The following SHCBP1L variants were observed in gnomAD, a reference collection of about 807,000 sequenced individuals.
SHCBP1L encodes the protein SHC binding and spindle associated 1 like.
A neutral mutation model predicts 62.5 loss-of-function variants in SHCBP1L; 67 were observed. The observed-to-expected ratio is 1.07, with a 90% CI of 0.88 to 1.31. The LOEUF (loss-of-function observed/expected upper bound fraction) is 1.31. Among genes scored for constraint, SHCBP1L ranks in the 40% most tolerant of loss-of-function variants. The pLI, the probability that SHCBP1L is intolerant of heterozygous loss-of-function variation, is 0.00. For missense variants in SHCBP1L, 823 were observed against 809.8 expected, an observed-to-expected ratio of 1.02 and a Z score of -0.20; for synonymous variants, 284 against 289.4, an observed-to-expected ratio of 0.98 and a Z score of 0.19.
chr1:182,949,114 C>T (rs888725439), intron 2 of SHCBP1L, among the ~76,000 whole-genome samples: 9 of 151,570 alleles, frequency 5.9e-5, no homozygotes, highest in African/African-American at 2.2e-4. Context: ...CACTGAGTTT[C>T]CATGGAACTT....
At chr1:182,946,445 C>T (rs1438209454) in intron 2 of SHCBP1L, among the ~76,000 whole-genome samples, 1 of 150,594 alleles carries the variant, frequency 6.6e-6, no homozygotes, top group Non-Finnish European at 1.5e-5. Flanking sequence ...AAAAATATTT[C>T]AAATCTCATT....
At position 182,952,937 on chromosome 1, in the gene SHCBP1L, G is replaced by T. The variant is rs758437714; in HGVS notation, c.197C>A (p.Ala66Asp). 2.6e-6 allele frequency: 4 copies of T among 1,553,024 alleles called. No individual in the cohort carries two copies. The highest frequency in any genetic ancestry group is 3.5e-6 in the Non-Finnish European group (4 of 1,150,920). ...PVKGKAGRET[A>D]RLRLQRLPAA... ...GGGCAGGCGCTGGAGCCGCAGCCTG[G>T]CCGTCTCCCGGCCCGCTTTCCCCTT... Residue 66 changes from alanine (A) to aspartate (D), a missense_variant, in exon 1 of 10, where the codon GCC (alanine) becomes GAC (aspartate). Coordinates refer to ENST00000367547, the MANE Select transcript of SHCBP1L (RefSeq NM_030933.4).
intron 5 of SHCBP1L, among the ~76,000 whole-genome samples, chr1:182,938,144 G>A (rs1372405585): frequency 6.6e-6 from 1 of 152,092 alleles, no homozygotes; most frequent in African/African-American, 2.4e-5. Context: ...TTTCGCTCTT[G>A]TTGCCCAGGC....
intron 2 of SHCBP1L, among the ~76,000 whole-genome samples, chr1:182,941,253 C>CAAAAAAAAAAAA (rs368017905): frequency 1.7e-5 from 1 of 57,480 alleles, no homozygotes; most frequent in Non-Finnish European, 4.0e-5. Context: ...ACTCAAACAC[C>CAAAAAAAAAAAA]AAAAAAAAAA....
intron 5 of SHCBP1L, among the ~76,000 whole-genome samples, chr1:182,933,985 A>T (rs1651090022): frequency 1.3e-5 from 2 of 152,046 alleles, no homozygotes; most frequent in Non-Finnish European, 2.9e-5. Context: ...GTAGTTTTTC[A>T]TTTGCTAATT....
At chr1:182,918,068 C>A (rs13373923) in intron 6 of SHCBP1L, among the ~76,000 whole-genome samples, 21,278 of 148,636 alleles carry the variant, frequency 0.14, 2,091 homozygotes, top group African/African-American at 0.29. Context: ...CTCTCTCTCT[C>A]TATATATATA....
chr1:182,951,408 G>T lies in SHCBP1L; in HGVS notation c.465C>A (p.Asp155Glu). ...KYLSEKLKLK[D>E]KWLGVWKTNP... ...TAGTCTTCCAGACTCCAAGCCATTT[G>T]TCTTTCAACTTTAATTTTTCTGATA... The change falls in exon 2 of 10, where the codon GAC becomes GAA. Residue 155 changes from aspartate to glutamate, a missense_variant. Coordinates refer to ENST00000367547, the MANE Select transcript of SHCBP1L (RefSeq NM_030933.4). 1 of 1,608,744 alleles carries T rather than the reference G, an allele frequency of 6.2e-7. No individual in the cohort carries two copies.
In SHCBP1L at chr1:182,929,800, T is replaced by G. The variant is rs202222306; in HGVS notation, c.1077-48A>C. 6 of 1,288,828 alleles carry G rather than the reference T, an allele frequency of 4.7e-6. No homozygotes were observed. The East Asian group carries it at 1.2e-4, about 26-fold the overall frequency. 79.8% of individuals were successfully genotyped at this position (1,288,828 alleles called of 1,614,324 possible). ...ATAATTAAATTAACATGAAAAAGAC[T>G]GACCTTGTCCTTACTTGTAAATAAA... On this transcript the variant is annotated intron_variant, in intron 5 of 9. Coordinates refer to ENST00000367547, the MANE Select transcript of SHCBP1L (RefSeq NM_030933.4).
intron 5 of SHCBP1L, among the ~76,000 whole-genome samples, chr1:182,936,241 T>C (rs1044211937): frequency 1.6e-4 from 24 of 151,606 alleles, no homozygotes; most frequent in Admixed American, 9.2e-4. Flanking sequence ...GTTCAAGTGA[T>C]TCTCGTGTCT....
rs111318433 is a variant in SHCBP1L, at chr1:182,937,765, C to T, written c.1076+1411G>A. 4.2e-3 allele frequency among the ~76,000 whole-genome samples: 635 copies of T among 152,210 alleles called. 4 individuals carry two copies. The highest frequency in any genetic ancestry group is 5.8e-3 in the Non-Finnish European group (397 of 68,024). The stretch of plus-strand genomic sequence containing the variant: ...AAGTTTCTATTGACAAATCTTTAAA[C>T]TCATTATTAATTCTTTCTTCCCACA... On this transcript the variant is annotated intron_variant, in intron 5 of 9. Coordinates refer to ENST00000367547, the MANE Select transcript of SHCBP1L (RefSeq NM_030933.4).
At chr1:182,916,589 C>G (rs748450122) in intron 6 of SHCBP1L, among the ~76,000 whole-genome samples, 3 of 152,008 alleles carry the variant, frequency 2.0e-5, no homozygotes, top group Non-Finnish European at 4.4e-5. Flanking sequence ...TATATGTACA[C>G]CTATGAACAA....
intron 6 of SHCBP1L, among the ~76,000 whole-genome samples, chr1:182,919,278 G>C (rs1049274709): frequency 6.6e-6 from 1 of 152,190 alleles, no homozygotes; most frequent in South Asian, 2.1e-4. Context: ...GGTGCCTGGT[G>C]AGGCCATTCT....
chr1:182,923,642 T>C (rs1475429871), intron 6 of SHCBP1L, among the ~76,000 whole-genome samples: 3 of 152,120 alleles, frequency 2.0e-5, no homozygotes, highest in Admixed American at 2.0e-4. Flanking sequence ...AAAAACCACA[T>C]GATCATCTCA....
At chr1:182,907,210 A>G (rs565684867) in intron 6 of SHCBP1L, among the ~76,000 whole-genome samples, 1 of 151,874 alleles carries the variant, frequency 6.6e-6, no homozygotes, top group African/African-American at 2.4e-5. Context: ...AGGTGGGTGG[A>G]TCACTTGAGG....
At position 182,953,157 on chromosome 1, in the gene SHCBP1L, G is replaced by A. The variant is rs548071233; in HGVS notation, c.-24C>T. ...ATCTCCTCAGCAGCCCGAGGGCCGA[G>A]GCAGCCGTTGGCCACTTTTCCCGCC... is the stretch of plus-strand genomic sequence containing the variant. On this transcript the variant is annotated 5_prime_UTR_variant, in exon 1 of 10. Transcript: ENST00000367547. 9 of 1,570,060 alleles carry A rather than the reference G, an allele frequency of 5.7e-6. No homozygotes were observed. Among genetic ancestry groups the A allele is most frequent in the Non-Finnish European group, 7.7e-6 (9 of 1,166,378 alleles).
chr1:182,924,962 G>GAA (rs748049756), intron 6 of SHCBP1L, among the ~76,000 whole-genome samples: 2 of 107,440 alleles, frequency 1.9e-5, no homozygotes, highest in African/African-American at 7.4e-5. Flanking sequence ...AAGAAAGAAA[G>GAA]AAAGAAAGAA....
At chr1:182,908,336 T>A (rs984137500) in intron 6 of SHCBP1L, among the ~76,000 whole-genome samples, 5 of 138,544 alleles carry the variant, frequency 3.6e-5, no homozygotes, top group Admixed American at 1.6e-4. Context: ...GTGCTTAGTG[T>A]TTAGCTCCTG....
intron 2 of SHCBP1L, chr1:182,942,402 T>C: frequency 1.4e-6 from 1 of 720,742 alleles, no homozygotes; most frequent in South Asian, 1.4e-5. Flanking sequence ...CTCTTGGGTA[T>C]CCTGGCGGCA....
At chr1:182,931,213 G>A (rs191242561) in intron 5 of SHCBP1L, among the ~76,000 whole-genome samples, 1 of 151,582 alleles carries the variant, frequency 6.6e-6, no homozygotes, top group East Asian at 1.9e-4. Context: ...TAAGCAAGTG[G>A]TCTTGATCTT....
Sources: gnomAD v4.1 joint callset for allele counts (sites outside exome capture counted in the v4.1 genomes callset) on GRCh38, gnomAD v4.1.1 for gene constraint, MANE v1.5 for transcripts, NCBI Gene and HGNC (gene_info 2026-07-23, HGNC 2026-07-21) for gene names.